Variants in UGT3A1 observed in about 807,000 individuals in gnomAD.
UGT3A1 encodes the protein UDP glycosyltransferase family 3 member A1, also known as UDP-glycosyltransferase 3A1.
In UGT3A1, 40 loss-of-function variants were observed where a neutral mutation model predicts 37.6. The observed-to-expected ratio is 1.06, with a 90% CI of 0.83 to 1.38. The LOEUF is 1.38. Ranked by LOEUF, UGT3A1 falls within the 40% of genes most tolerant of loss-of-function variation. The pLI, the probability that UGT3A1 is intolerant of heterozygous loss-of-function variation, is 0.00. For missense variants in UGT3A1, 642 were observed against 634.2 expected (o/e 1.01, Z -0.13); for synonymous variants, 256 against 232.3 (o/e 1.10, Z -0.93).
chr5:35,975,979 T>G (rs1740252490), intron 2 of UGT3A1, among the ~76,000 whole-genome samples: 1 of 152,158 alleles, frequency 6.6e-6, no homozygotes, highest in Non-Finnish European at 1.5e-5. Context: ...TAGCAAGGAT[T>G]CATGGGTTCA....
rs774563345 is a variant in UGT3A1 at position 35,954,175 on chromosome 5, TC to T, written c.*26del. ...AACCTTCAAAGGACCAGGGATGCCC[TC>T]CCCTCACCCAAGGCTACACCTAGCC... On this transcript the variant is annotated 3_prime_UTR_variant, in exon 7 of 7. Coordinates refer to ENST00000274278, the MANE Select transcript of UGT3A1 (RefSeq NM_152404.4). 6.2e-7 allele frequency: 1 copy of T among 1,605,684 alleles called. No individual in the cohort carries two copies. Among genetic ancestry groups the T allele is most frequent in the South Asian group, 1.1e-5 (1 of 89,758 alleles).
At chr5:35,965,214 C>T (rs540040369) in intron 4 of UGT3A1, among the ~76,000 whole-genome samples, 172 bp downstream of exon 4, 2 of 152,288 alleles carry the variant, frequency 1.3e-5, no homozygotes, top group South Asian at 4.1e-4. Flanking sequence ...CAAGGCCTGA[C>T]ACTGTACTTG....
chr5:35,956,619 C>T (rs1367080905), intron 5 of UGT3A1, among the ~76,000 whole-genome samples: 2 of 152,180 alleles, frequency 1.3e-5, no homozygotes, highest in African/African-American at 2.4e-5. Flanking sequence ...TACCAAATGA[C>T]TCAATACCTG....
rs565488122 is a variant in UGT3A1, at chr5:35,956,471, G to GTA, written c.1076-609_1076-608dup. On this transcript the variant is annotated intron_variant, in intron 5 of 6. Coordinates refer to ENST00000274278, the MANE Select transcript of UGT3A1 (RefSeq NM_152404.4). ...TTATAAATTAAATATACAGAAACCTGTATCTTAATTTACCAAGCTGACTTT... is the reference window on the plus strand; with the variant it reads ...TTATAAATTAAATATACAGAAACCTGTATATCTTAATTTACCAAGCTGACTTT... Among the ~76,000 whole-genome samples, 217 of 152,214 alleles carry GTA rather than the reference G, an allele frequency of 1.4e-3. 1 individual carries two copies. The highest frequency in any genetic ancestry group is 5.1e-3 in the African/African-American group (212 of 41,526).
upstream of UGT3A1, chr5:35,991,397 TCTCTTTCCCG>T: frequency 6.8e-7 from 1 of 1,462,588 alleles, no homozygotes; most frequent in South Asian, 1.5e-5. Context: ...TTCTGTTCGT[TCTCTTTCCCG>T]CTGCCCCTCC....
At position 35,954,066 on chromosome 5, in the gene UGT3A1, A is replaced by T; in HGVS notation, c.*136T>A. The T allele has an allele frequency of 1.1e-6, 1 of 937,988 alleles. No homozygotes were observed. The highest frequency in any genetic ancestry group is 1.7e-5 in the South Asian group (1 of 58,514). 58.1% of individuals were successfully genotyped at this position (937,988 alleles called of 1,614,324 possible). A position where few individuals can be genotyped will look rare whatever the true frequency, so the allele number is the denominator to read the frequency against. On this transcript the variant is annotated 3_prime_UTR_variant, in exon 7 of 7. Transcript: ENST00000274278. ...CGTGAAGATTTCTAAACAGAGGCAGAGAATAGAAAGAAGCAAGTTGCAGGA... is the reference window on the plus strand; with the variant it reads ...CGTGAAGATTTCTAAACAGAGGCAGTGAATAGAAAGAAGCAAGTTGCAGGA...
intron 2 of UGT3A1, among the ~76,000 whole-genome samples, chr5:35,986,700 G>A (rs921226867): frequency 6.6e-6 from 1 of 152,056 alleles, no homozygotes; most frequent in Non-Finnish European, 1.5e-5. Flanking sequence ...TATGGATAGA[G>A]GTTGATTAAT....
intron 2 of UGT3A1, among the ~76,000 whole-genome samples, chr5:35,983,485 C>A (rs1013239519): frequency 5.3e-5 from 8 of 152,066 alleles, no homozygotes; most frequent in South Asian, 2.1e-4. Flanking sequence ...ATAACGAAAC[C>A]AATTCTACTC....
At chr5:35,963,540 A>C in intron 4 of UGT3A1, among the ~76,000 whole-genome samples, 1 of 152,184 alleles carries the variant, frequency 6.6e-6, no homozygotes, top group Non-Finnish European at 1.5e-5. Context: ...GAAAAGGAAA[A>C]AAATAAAAGA....
chr5:35,976,578 G>A (rs534764503), intron 2 of UGT3A1, among the ~76,000 whole-genome samples: 4 of 152,280 alleles, frequency 2.6e-5, no homozygotes, highest in African/African-American at 9.6e-5. Flanking sequence ...AGTAGCTCAT[G>A]TCTGTAATCC....
intron 4 of UGT3A1, among the ~76,000 whole-genome samples, chr5:35,957,766 G>A (rs1323593785): frequency 4.6e-5 from 7 of 152,284 alleles, no homozygotes; most frequent in African/African-American, 1.7e-4. Context: ...GAAATGAATT[G>A]AGATTTATAT....
intron 2 of UGT3A1, among the ~76,000 whole-genome samples, chr5:35,985,440 C>T (rs1454975007): frequency 1.3e-5 from 2 of 152,130 alleles, no homozygotes; most frequent in East Asian, 1.9e-4. Context: ...AGGCATCAAA[C>T]TACATGACTT....
chr5:35,976,555 G>A lies in UGT3A1; in HGVS notation c.197-8422C>T, dbSNP rs558854502. Among the ~76,000 whole-genome samples, 5 of 152,246 alleles carry A rather than the reference G, an allele frequency of 3.3e-5. No individual in the cohort carries two copies. In the East Asian group the frequency reaches 7.7e-4, roughly 24 times the overall value. ...TAGTTGCTAACCCAGAGAAAAGAAT[G>A]TAGGACAGGCATAGTAGCTCATGTC... is the stretch of plus-strand genomic sequence containing the variant. On this transcript the variant is annotated intron_variant, in intron 2 of 6. Coordinates refer to ENST00000274278, the MANE Select transcript of UGT3A1 (RefSeq NM_152404.4).
upstream of UGT3A1, chr5:35,991,762 A>C (rs138527656): frequency 1.1e-3 from 552 of 483,086 alleles, 3 homozygotes; most frequent in African/African-American, 0.011. Context: ...CCCAAGCTCA[A>C]GATGTCCCTG....
At chr5:35,957,520 G>A (rs1739405844) in intron 4 of UGT3A1, 101 bp from the exon 5 acceptor site, 1 of 929,224 alleles carries the variant, frequency 1.1e-6, no homozygotes, top group Non-Finnish European at 1.7e-6. Context: ...CCTCCCATCA[G>A]TGCCTTGTCT....
At chr5:35,992,769 A>T (rs981298637), upstream of UGT3A1, among the ~76,000 whole-genome samples, 11 of 152,170 alleles carry the variant, frequency 7.2e-5, no homozygotes, top group African/African-American at 2.4e-5. Flanking sequence ...TGAGCACAAA[A>T]CTTGATGATA....
At chr5:35,966,251 C>T (rs1284553078) in intron 3 of UGT3A1, among the ~76,000 whole-genome samples, 1 of 152,198 alleles carries the variant, frequency 6.6e-6, no homozygotes, top group African/African-American at 2.4e-5. Flanking sequence ...TCCTGTGATG[C>T]TCTGTTAACC....
rs991300997 is a variant in UGT3A1 at position 35,953,503 on chromosome 5, G to T, written c.*699C>A. ...AGTCTTTAAAACTACCTTAGCCACT[G>T]GTACCTGAAGCCACAAAGCCTTACA... is the stretch of plus-strand genomic sequence containing the variant. On this transcript the variant is annotated 3_prime_UTR_variant, in exon 7 of 7. Coordinates refer to ENST00000274278, the MANE Select transcript of UGT3A1 (RefSeq NM_152404.4). The T allele has an allele frequency of 2.0e-5, 3 of 152,374 alleles. No homozygotes were observed. Among genetic ancestry groups the T allele is most frequent in the African/African-American group, 7.2e-5 (3 of 41,446 alleles). The allele number at this position is 152,374 out of a possible 1,614,324, so 9.4% of individuals were successfully genotyped here. A position where few individuals can be genotyped will look rare whatever the true frequency, so the allele number is the denominator to read the frequency against.
chr5:35,980,229 C>G (rs1740465702), intron 2 of UGT3A1, among the ~76,000 whole-genome samples: 1 of 152,094 alleles, frequency 6.6e-6, no homozygotes, highest in Non-Finnish European at 1.5e-5. Context: ...GCAGATTTAC[C>G]TTCCTACTTT....
Sources: allele counts gnomAD v4.1 joint callset (sites outside exome capture counted in the v4.1 genomes callset), GRCh38; gene constraint gnomAD v4.1.1; transcripts MANE v1.5; gene names NCBI Gene and HGNC (gene_info 2026-07-23, HGNC 2026-07-21).